The following LRP2 variants were observed in gnomAD, a reference collection of about 807,000 sequenced individuals.
LRP2 encodes LDL receptor related protein 2.
In LRP2, 172 loss-of-function variants were observed where a neutral mutation model predicts 531.0. That is an observed-to-expected ratio of 0.32 (90% CI 0.29 to 0.37). LRP2 has a LOEUF of 0.37. Among genes scored for constraint, LRP2 ranks in the 10% least tolerant of loss-of-function variants. LRP2 has a pLI of 1.00. For synonymous variants in LRP2, 1,992 were observed against 2,027.6 expected (o/e 0.98, Z 0.47); for missense variants, 5,167 against 5,868.3 (o/e 0.88, Z 3.90).
intron 3 of LRP2, among the ~76,000 whole-genome samples, chr2:169,316,933 C>T (rs1684779537): frequency 6.6e-6 from 1 of 152,052 alleles, no homozygotes; most frequent in South Asian, 2.1e-4. Context: ...GAGGAATGGT[C>T]TCCAGAGTCA....
rs886055087 is a variant in LRP2, at chr2:169,241,190, T to G, written c.3843A>C (p.Gly1281=). 2.0e-5 allele frequency: 32 copies of G among 1,614,074 alleles called. No individual in the cohort carries two copies. In the East Asian group the frequency reaches 7.1e-4, roughly 36 times the overall value. The part of the protein sequence containing the change: ...CPSSYFHCDN[G]NCIHRAWLCD... ...AGAGCCATGCCCTGTGGATGCAGTTTCCGTTGTCACAGTGGAAATATGATG... is the reference window on the plus strand; with the variant it reads ...AGAGCCATGCCCTGTGGATGCAGTTGCCGTTGTCACAGTGGAAATATGATG... The change falls in exon 25 of 79, where the codon GGA becomes GGC. Residue 1281 remains glycine, a synonymous_variant. Transcript: ENST00000649046.
chr2:169,315,753 A>T (rs1574249790), intron 3 of LRP2, among the ~76,000 whole-genome samples: 1 of 152,268 alleles, frequency 6.6e-6, no homozygotes, highest in East Asian at 1.9e-4. Context: ...CTAAGGATCC[A>T]CAGAACTGGA....
At chr2:169,209,427 T>C (rs1559017797) in intron 38 of LRP2, 26 bp downstream of exon 38, 1 of 1,608,550 alleles carries the variant, frequency 6.2e-7, no homozygotes, top group Non-Finnish European at 8.5e-7. Context: ...TGCAAACATA[T>C]TAAAATCACC....
chr2:169,326,158 C>T (rs1574259012), intron 1 of LRP2, among the ~76,000 whole-genome samples: 2 of 73,334 alleles, frequency 2.7e-5, no homozygotes, highest in Admixed American at 2.2e-4. Flanking sequence ...CTCCCTCTCC[C>T]TCTCCCTCTC....
chr2:169,239,845 C>CAT, intron 25 of LRP2, 70 bp from the exon 26 acceptor site: 3 of 1,369,702 alleles, frequency 2.2e-6, no homozygotes, highest in Non-Finnish European at 2.1e-6. Context: ...CACTCTTATG[C>CAT]AATATTTATT....
intron 37 of LRP2, 136 bp downstream of exon 37, chr2:169,211,832 G>T (rs970393004): frequency 2.5e-6 from 3 of 1,217,006 alleles, no homozygotes; most frequent in Middle Eastern, 2.5e-4. Flanking sequence ...ACTTTAGGCT[G>T]TGCCAGTTGA....
chr2:169,175,178 A>G lies in LRP2; in HGVS notation c.10768+15T>C. On this transcript the variant is annotated intron_variant, in intron 55 of 78. Transcript: ENST00000649046. ...ATAGAAGTCGGAAAAAGAGGCATAAAGCGACTCAACACACCACAAAGAAGA... is the reference window on the plus strand; with the variant it reads ...ATAGAAGTCGGAAAAAGAGGCATAAGGCGACTCAACACACCACAAAGAAGA... 1 of 1,613,784 alleles carries G rather than the reference A, an allele frequency of 6.2e-7. No homozygotes were observed. Among genetic ancestry groups the G allele is most frequent in the Non-Finnish European group, 8.5e-7 (1 of 1,179,746 alleles).
chr2:169,218,038 G>A (rs1004414402), intron 34 of LRP2, among the ~76,000 whole-genome samples: 4 of 151,996 alleles, frequency 2.6e-5, no homozygotes, highest in Non-Finnish European at 5.9e-5. Context: ...CCCTGTAACT[G>A]CCTCAGCTCT....
At chr2:169,281,125 T>A (rs535027793) in intron 10 of LRP2, among the ~76,000 whole-genome samples, 80 of 152,178 alleles carry the variant, frequency 5.3e-4, no homozygotes, top group Non-Finnish European at 4.4e-5. Flanking sequence ...TATGCCATTA[T>A]AAAAAAATAA....
chr2:169,128,944 G>A (rs1395143731), intron 78 of LRP2, 69 bp downstream of exon 78: 3 of 1,537,416 alleles, frequency 2.0e-6, no homozygotes, highest in Non-Finnish European at 1.8e-6. Context: ...CTAAGTGTGT[G>A]TCCAATTTAA....
chr2:169,182,255 G>T lies in LRP2; in HGVS notation c.9910C>A (p.Arg3304Ser), dbSNP rs200915700. ...ACACAGTGCTGGGCCAGCATGCGGC[G>T]GTGTCCACCATTGAGGTCAGAGACA... ...LFVSDLNGGHRRMLAQHCVDA... is the reference protein window; with the variant it reads ...LFVSDLNGGHSRMLAQHCVDA... Residue 3304 changes from arginine to serine, a missense_variant, in exon 51 of 79, where the codon CGC becomes AGC. This residue lies in a region of LRP2 where 1,129 missense variants were observed against 1,362.7 expected (regional missense o/e 0.83). Transcript: ENST00000649046. 2.5e-6 allele frequency: 4 copies of T among 1,614,092 alleles called. No homozygotes were observed. The African/African-American group carries it at 4.0e-5, about 16-fold the overall frequency.
chr2:169,313,786 C>T (rs928645695), intron 3 of LRP2, among the ~76,000 whole-genome samples: 6 of 152,182 alleles, frequency 3.9e-5, no homozygotes, highest in Non-Finnish European at 8.8e-5. Context: ...ACGCTGGGAG[C>T]TGTAGACTGG....
At chr2:169,162,345 G>T in intron 63 of LRP2, 127 bp downstream of exon 63, 1 of 1,068,316 alleles carries the variant, frequency 9.4e-7, no homozygotes, top group Non-Finnish European at 1.4e-6. Flanking sequence ...CTATGGGCTT[G>T]ACTGGAATTC....
intron 77 of LRP2, among the ~76,000 whole-genome samples, chr2:169,131,557 T>C (rs1009165073): frequency 6.6e-6 from 1 of 152,182 alleles, no homozygotes; most frequent in African/African-American, 2.4e-5. Flanking sequence ...AAATTGGTCA[T>C]AGAATCTTAG....
At chr2:169,146,072 T>G (rs1036909566) in intron 69 of LRP2, 149 bp from the exon 70 acceptor site, 1 of 749,256 alleles carries the variant, frequency 1.3e-6, no homozygotes. Flanking sequence ...TCAGGCTGAC[T>G]TTAGCTACAT....
At chr2:169,277,263 C>T (rs1401501424) in intron 13 of LRP2, among the ~76,000 whole-genome samples, 1 of 150,886 alleles carries the variant, frequency 6.6e-6, no homozygotes, top group East Asian at 1.9e-4. Context: ...CTTTGTATAC[C>T]AGGTAAAAAT....
At chr2:169,322,240 T>A (rs1239117374) in intron 1 of LRP2, among the ~76,000 whole-genome samples, 1 of 152,208 alleles carries the variant, frequency 6.6e-6, no homozygotes, top group Non-Finnish European at 1.5e-5. Context: ...TGCAGGCATA[T>A]CAACAGCATG....
At chr2:169,289,287 CT>C (rs2105464998) in intron 8 of LRP2, 142 bp from the exon 9 acceptor site, 1 of 1,089,102 alleles carries the variant, frequency 9.2e-7, no homozygotes, top group Admixed American at 1.9e-5. Flanking sequence ...TCAAAGCTTA[CT>C]GCAAAACTTT....
chr2:169,358,820 C>T (rs1044807522), intron 1 of LRP2, among the ~76,000 whole-genome samples: 5 of 151,148 alleles, frequency 3.3e-5, no homozygotes, highest in South Asian at 4.2e-4. Context: ...CAGTGAGACC[C>T]CATTTCTATT....
Sources: allele counts gnomAD v4.1 joint callset (sites outside exome capture counted in the v4.1 genomes callset), GRCh38; gene constraint gnomAD v4.1.1; regional missense constraint gnomAD v4.1.1; transcripts MANE v1.5; gene names NCBI Gene and HGNC (gene_info 2026-07-23, HGNC 2026-07-21).